Variants in MED13L observed in about 807,000 individuals in gnomAD.
MED13L encodes mediator of RNA polymerase II transcription subunit 13-like.
A neutral mutation model predicts 220.9 loss-of-function variants in MED13L; 7 were observed. That is an observed-to-expected ratio of 0.03 (90% CI 0.02 to 0.06). The LOEUF is 0.06. MED13L is among the 10% of genes least tolerant of loss of function. The pLI is 1.00. For synonymous variants in MED13L, 1,011 were observed against 1,015.2 expected (o/e 1.00, Z 0.08); for missense variants, 1,965 against 2,760.5 (o/e 0.71, Z 6.46).
intron 2 of MED13L, among the ~76,000 whole-genome samples, chr12:116,124,779 A>C (rs536322110): frequency 6.6e-6 from 1 of 152,172 alleles, no homozygotes; most frequent in Non-Finnish European, 1.5e-5. Context: ...ACAACATATA[A>C]AGTCAGTTTT....
chr12:116,103,062 TAC>T (rs1297244611), intron 3 of MED13L, among the ~76,000 whole-genome samples: 1 of 152,068 alleles, frequency 6.6e-6, no homozygotes, highest in Non-Finnish European at 1.5e-5. Flanking sequence ...CCCTAGTGGA[TAC>T]AGTCTCCTCT....
chr12:115,980,284 G>A (rs544447940), intron 23 of MED13L, among the ~76,000 whole-genome samples: 1 of 152,226 alleles, frequency 6.6e-6, no homozygotes, highest in South Asian at 2.1e-4. Context: ...AAAGTTCAGA[G>A]AAGTATCTCC....
intron 4 of MED13L, among the ~76,000 whole-genome samples, chr12:116,039,016 C>T (rs201806508): frequency 6.6e-6 from 1 of 152,078 alleles, no homozygotes; most frequent in Admixed American, 6.6e-5. Flanking sequence ...TTCTTCCCCC[C>T]ACACTCCAAT....
At position 116,019,866 on chromosome 12, in the gene MED13L, C is replaced by T. The variant is rs1359784128; in HGVS notation, c.732G>A (p.Pro244=). ...KLIEEWQYFY[P]MVLKKKEESK... is the part of the protein sequence containing the mutation. Reference sequence around the variant, plus strand: ...ATTCTTCTTTCTTTTTTAGCACCATCGGGTAGAAATACTGCCATTCCTCAA... The same window carrying T: ...ATTCTTCTTTCTTTTTTAGCACCATTGGGTAGAAATACTGCCATTCCTCAA... The change falls in exon 6 of 31, where the codon CCG becomes CCA. Residue 244 remains proline, a synonymous_variant. Coordinates refer to ENST00000281928, the MANE Select transcript of MED13L (RefSeq NM_015335.5). The T allele has an allele frequency of 2.5e-6, 4 of 1,613,796 alleles. No individual in the cohort carries two copies. Among genetic ancestry groups the T allele is most frequent in the East Asian group, 2.2e-5 (1 of 44,872 alleles).
intron 1 of MED13L, among the ~76,000 whole-genome samples, chr12:116,257,321 G>A (rs984166482): frequency 4.6e-5 from 7 of 152,266 alleles, no homozygotes; most frequent in Non-Finnish European, 7.4e-5. Context: ...ACTTTACACT[G>A]CTGTGGATAA....
chr12:116,103,061 A>G (rs566055616), intron 3 of MED13L, among the ~76,000 whole-genome samples: 2 of 152,118 alleles, frequency 1.3e-5, no homozygotes, highest in Admixed American at 1.3e-4. Context: ...GCCCTAGTGG[A>G]TACAGTCTCC....
intron 2 of MED13L, among the ~76,000 whole-genome samples, chr12:116,181,707 A>G (rs1389841288): frequency 6.6e-6 from 1 of 151,820 alleles, no homozygotes; most frequent in Non-Finnish European, 1.5e-5. Context: ...GTTTCATCAT[A>G]TTGGTCAGGC....
chr12:116,112,127 T>C (rs1306445915), intron 2 of MED13L, among the ~76,000 whole-genome samples: 3 of 152,216 alleles, frequency 2.0e-5, no homozygotes, highest in East Asian at 1.9e-4. Flanking sequence ...TATTATAACA[T>C]TGAGCCACAA....
At chr12:116,148,074 A>AAAAAAAG (rs1377801971) in intron 2 of MED13L, among the ~76,000 whole-genome samples, 14 of 98,320 alleles carry the variant, frequency 1.4e-4, no homozygotes, top group Admixed American at 4.7e-4. Context: ...AAAAAAAAAA[A>AAAAAAAG]GAGGGGGGCG....
chr12:116,015,306 T>C lies in MED13L; in HGVS notation c.1010-32A>G, dbSNP rs371607017. On this transcript the variant is annotated intron_variant, in intron 7 of 30. Coordinates refer to ENST00000281928, the MANE Select transcript of MED13L (RefSeq NM_015335.5). Reference sequence around the variant, plus strand: ...AAAAAGGCAATTTGGAATGTTAGGATTTTCTGAAAAGGTTTCCTACTTCAT... The same window carrying C: ...AAAAAGGCAATTTGGAATGTTAGGACTTTCTGAAAAGGTTTCCTACTTCAT... 738 of 1,612,384 alleles carry C rather than the reference T, an allele frequency of 4.6e-4. 4 individuals are homozygous for C. In the African/African-American group the frequency reaches 8.8e-3, roughly 19 times the overall value.
chr12:116,102,426 C>T (rs1030672404), intron 3 of MED13L, among the ~76,000 whole-genome samples: 1 of 152,128 alleles, frequency 6.6e-6, no homozygotes, highest in Non-Finnish European at 1.5e-5. Flanking sequence ...TCATAGGTTT[C>T]CCTACCATAA....
At chr12:116,014,423 A>C (rs1446200660) in intron 8 of MED13L, among the ~76,000 whole-genome samples, 1 of 152,234 alleles carries the variant, frequency 6.6e-6, no homozygotes, top group African/African-American at 2.4e-5. Flanking sequence ...TTATGTTTAC[A>C]TAAATCTTGA....
At chr12:116,170,605 T>G (rs996262899) in intron 2 of MED13L, among the ~76,000 whole-genome samples, 41 of 148,624 alleles carry the variant, frequency 2.8e-4, no homozygotes, top group African/African-American at 4.3e-4. Context: ...TACTTTTTTT[T>G]TTGTTTTTTT....
At chr12:116,154,645 T>C (rs1878290796) in intron 2 of MED13L, among the ~76,000 whole-genome samples, 1 of 152,142 alleles carries the variant, frequency 6.6e-6, no homozygotes, top group Non-Finnish European at 1.5e-5. Flanking sequence ...ACGAGACACA[T>C]TAGTAACTCA....
rs886041448 is a variant in MED13L, at chr12:115,980,836, G to C, written c.5278C>G (p.Arg1760Gly). 1 of 1,613,666 alleles carries C rather than the reference G, an allele frequency of 6.2e-7. No individual in the cohort carries two copies. Among genetic ancestry groups the C allele is most frequent in the Non-Finnish European group, 8.5e-7 (1 of 1,179,900 alleles). ...MAFSVYCQCR[R>G]PLPTQIHIKS... ...ATGTGGATCTGTGTAGGCAGTGGTCGCCTGCACTGGCAGTACACTGAAAAT... is the reference window on the plus strand; with the variant it reads ...ATGTGGATCTGTGTAGGCAGTGGTCCCCTGCACTGGCAGTACACTGAAAAT... Residue 1760 changes from arginine to glycine, a missense_variant, in exon 23 of 31, where the codon CGA becomes GGA. This residue lies in a region of MED13L where 510 missense variants were observed against 620.4 expected (regional missense o/e 0.82). Coordinates refer to ENST00000281928, the MANE Select transcript of MED13L (RefSeq NM_015335.5).
intron 2 of MED13L, among the ~76,000 whole-genome samples, chr12:116,118,474 A>T (rs2137937006): frequency 6.6e-6 from 1 of 152,334 alleles, no homozygotes; most frequent in Admixed American, 6.5e-5. Flanking sequence ...TAATCAATTT[A>T]TCATAAAAAA....
chr12:116,188,145 C>T (rs1224980017), intron 2 of MED13L, among the ~76,000 whole-genome samples: 1 of 151,756 alleles, frequency 6.6e-6, no homozygotes, highest in Non-Finnish European at 1.5e-5. Flanking sequence ...AAAAAAATCA[C>T]TGTCATGTCA....
chr12:116,002,933 A>C, intron 14 of MED13L, 70 bp downstream of exon 14: 1 of 1,196,198 alleles, frequency 8.4e-7, no homozygotes, highest in South Asian at 1.2e-5. Context: ...AAGCACCACT[A>C]AGTATGAGAA....
intron 18 of MED13L, 68 bp from the exon 19 acceptor site, chr12:115,986,557 C>A: frequency 7.2e-7 from 1 of 1,395,984 alleles, no homozygotes; most frequent in South Asian, 1.2e-5. Flanking sequence ...TTTTGAAATT[C>A]CTGGTGCACT....
Sources: gnomAD v4.1 joint callset for allele counts (sites outside exome capture counted in the v4.1 genomes callset) on GRCh38, gnomAD v4.1.1 for gene constraint, gnomAD v4.1.1 regional missense constraint, MANE v1.5 for transcripts, NCBI Gene and HGNC (gene_info 2026-07-23, HGNC 2026-07-21) for gene names.